Variants in TMEM123 observed in about 807,000 individuals in gnomAD.
The protein encoded by TMEM123 is porimin.
TMEM123 carries 16 observed loss-of-function variants against 19.7 expected under a neutral mutation model. The ratio of observed to expected loss-of-function variants is 0.81; its 90% CI spans 0.55 to 1.23. The LOEUF (loss-of-function observed/expected upper bound fraction) is 1.23, where lower values mean the gene tolerates loss of function less well. TMEM123 is among the 50% of genes most tolerant of loss of function. The pLI, the probability that TMEM123 is intolerant of heterozygous loss-of-function variation, is 0.00. For synonymous variants in TMEM123, 118 were observed against 99.4 expected (o/e 1.19, Z -1.12); for missense variants, 313 against 257.8 (o/e 1.21, Z -1.47).
intron 2 of TMEM123, among the ~76,000 whole-genome samples, chr11:102,411,317 G>A (rs1299166986): frequency 2.0e-5 from 3 of 152,128 alleles, no homozygotes; most frequent in Non-Finnish European, 2.9e-5. Flanking sequence ...CCCAGAGAGC[G>A]TATCGAAGCT....
chr11:102,416,288 A>T (rs1952043793), intron 2 of TMEM123, among the ~76,000 whole-genome samples: 1 of 152,224 alleles, frequency 6.6e-6, no homozygotes, highest in Admixed American at 6.5e-5. Flanking sequence ...AAAAGAGAGA[A>T]GAGCCAAATA....
intron 2 of TMEM123, among the ~76,000 whole-genome samples, chr11:102,446,199 C>A (rs959950336): frequency 1.3e-5 from 2 of 152,200 alleles, no homozygotes; most frequent in African/African-American, 4.8e-5. Context: ...ATAATCTGGG[C>A]ATGTGTCTTC....
chr11:102,420,978 C>T (rs1310316739), intron 2 of TMEM123, among the ~76,000 whole-genome samples: 4 of 152,164 alleles, frequency 2.6e-5, no homozygotes, highest in East Asian at 3.9e-4. Context: ...ACTCAGGAGG[C>T]GGAGGTTGCA....
At chr11:102,401,137 C>T (rs976873424) in intron 4 of TMEM123, among the ~76,000 whole-genome samples, 3 of 151,946 alleles carry the variant, frequency 2.0e-5, no homozygotes, top group East Asian at 1.9e-4. Flanking sequence ...TTGTCTTTGT[C>T]GTGGAAAACA....
chr11:102,432,589 C>T (rs1032623121), intron 2 of TMEM123, among the ~76,000 whole-genome samples: 15 of 152,328 alleles, frequency 9.8e-5, no homozygotes, highest in Admixed American at 9.1e-4. Flanking sequence ...GAAAAGAAAA[C>T]CCATTCTCTG....
At chr11:102,446,575 C>T (rs1857885478) in intron 2 of TMEM123, among the ~76,000 whole-genome samples, 1 of 152,184 alleles carries the variant, frequency 6.6e-6, no homozygotes, top group African/African-American at 2.4e-5. Flanking sequence ...TACAAAATAT[C>T]TATGTTGCTC....
chr11:102,398,750 T>G lies in TMEM123; in HGVS notation c.*117A>C. 1 of 1,004,734 alleles carries G rather than the reference T, an allele frequency of 1.0e-6. No homozygotes were observed. The highest frequency in any genetic ancestry group is 1.4e-5 in the South Asian group (1 of 71,792). The allele number at this position is 1,004,734 out of a possible 1,614,324, so 62.2% of individuals were successfully genotyped here. Reference sequence around the variant, plus strand: ...TTTACGTAATACACTGTACATTATATGCATGGCCTGTTTATACTATTTTCA... The same window carrying G: ...TTTACGTAATACACTGTACATTATAGGCATGGCCTGTTTATACTATTTTCA... On this transcript the variant is annotated 3_prime_UTR_variant, in exon 5 of 5. Coordinates refer to ENST00000398136, the MANE Select transcript of TMEM123 (RefSeq NM_052932.3).
At chr11:102,438,341 C>T (rs1045751792) in intron 2 of TMEM123, among the ~76,000 whole-genome samples, 1 of 152,124 alleles carries the variant, frequency 6.6e-6, no homozygotes, top group African/African-American at 2.4e-5. Context: ...CATGAGCCAC[C>T]GTGCCCAGTT....
chr11:102,410,891 C>A (rs1214724931), intron 2 of TMEM123, among the ~76,000 whole-genome samples: 2 of 152,176 alleles, frequency 1.3e-5, no homozygotes, highest in Non-Finnish European at 2.9e-5. Context: ...AATTTCCTTT[C>A]TATCGAACAC....
intron 2 of TMEM123, among the ~76,000 whole-genome samples, chr11:102,419,077 C>T (rs1420738735): frequency 3.9e-5 from 6 of 152,034 alleles, no homozygotes; most frequent in African/African-American, 1.5e-4. Context: ...TCATTACCTG[C>T]GTGATGAAAT....
chr11:102,439,037 G>C (rs920707659), intron 2 of TMEM123, among the ~76,000 whole-genome samples: 1 of 152,244 alleles, frequency 6.6e-6, no homozygotes, highest in African/African-American at 2.4e-5. Flanking sequence ...GCGAGGCTGG[G>C]GGAGGGGCGT....
chr11:102,425,904 C>T (rs1257138937), intron 2 of TMEM123, among the ~76,000 whole-genome samples: 3 of 152,096 alleles, frequency 2.0e-5, no homozygotes, highest in African/African-American at 4.8e-5. Flanking sequence ...GTAAGCTCTC[C>T]CTCTTCTGAG....
intron 2 of TMEM123, among the ~76,000 whole-genome samples, chr11:102,411,394 T>C (rs1952003511): frequency 6.6e-6 from 1 of 152,188 alleles, no homozygotes; most frequent in African/African-American, 2.4e-5. Context: ...GCTCCTGAGT[T>C]ATATCCTCTA....
intron 2 of TMEM123, among the ~76,000 whole-genome samples, chr11:102,440,580 A>G (rs1001392543): frequency 6.6e-6 from 1 of 152,238 alleles, no homozygotes; most frequent in Non-Finnish European, 1.5e-5. Flanking sequence ...CAACCGTACC[A>G]GCCACTGCAA....
intron 2 of TMEM123, among the ~76,000 whole-genome samples, chr11:102,425,138 C>T (rs962132776): frequency 8.5e-5 from 13 of 152,162 alleles, no homozygotes; most frequent in Non-Finnish European, 1.8e-4. Context: ...CAGAAAGAAA[C>T]AGAGGCTTTT....
chr11:102,419,242 C>T (rs984693996), intron 2 of TMEM123, among the ~76,000 whole-genome samples: 1 of 152,180 alleles, frequency 6.6e-6, no homozygotes, highest in Non-Finnish European at 1.5e-5. Flanking sequence ...ACACGTTGTA[C>T]TAAAAACGTT....
chr11:102,425,778 T>C (rs1952121745), intron 2 of TMEM123, among the ~76,000 whole-genome samples: 1 of 151,850 alleles, frequency 6.6e-6, no homozygotes, highest in Non-Finnish European at 1.5e-5. Flanking sequence ...GAGACAGGTT[T>C]CCCCATGTTG....
intron 2 of TMEM123, among the ~76,000 whole-genome samples, chr11:102,446,255 C>T (rs1857882344): frequency 6.6e-6 from 1 of 152,186 alleles, no homozygotes; most frequent in Non-Finnish European, 1.5e-5. Context: ...AATCTAAATA[C>T]TCTGACTGCA....
Position 102,414,919 on chromosome 11 carries a change from G to A in TMEM123, c.158-12713C>T, listed in dbSNP as rs974639264. On this transcript the variant is annotated intron_variant, in intron 2 of 4. Transcript: ENST00000398136. ...ACAGAATGGCAAATTGGATAAAGAA[G>A]CAAAACCTAATCGTAAGCTAGCTTC... Among the ~76,000 whole-genome samples the A allele has an allele frequency of 2.0e-5, 3 of 152,132 alleles. No homozygotes were observed. In the South Asian group the frequency reaches 6.2e-4, roughly 31 times the overall value.
Sources: gnomAD v4.1 joint callset for allele counts (sites outside exome capture counted in the v4.1 genomes callset) on GRCh38, gnomAD v4.1.1 for gene constraint, MANE v1.5 for transcripts, NCBI Gene and HGNC (gene_info 2026-07-23, HGNC 2026-07-21) for gene names.